The following PCDH15 variants were observed in gnomAD, a reference collection of about 807,000 sequenced individuals.
PCDH15 encodes the protein protocadherin-15.
PCDH15 carries 129 observed loss-of-function variants against 178.5 expected under a neutral mutation model. The observed-to-expected ratio is 0.72, with a 90% confidence interval of 0.63 to 0.84. The LOEUF is 0.84. Among genes scored for constraint, PCDH15 ranks in the 40% least tolerant of loss-of-function variants. The pLI, the probability that PCDH15 is intolerant of heterozygous loss-of-function variation, is 0.00. For synonymous variants in PCDH15, 800 were observed against 732.0 expected (o/e 1.09, Z -1.50); for missense variants, 2,230 against 2,099.9 (o/e 1.06, Z -1.21).
chr10:53,971,241 T>G (rs1315506257), intron 21 of PCDH15, among the ~76,000 whole-genome samples: 1 of 152,176 alleles, frequency 6.6e-6, no homozygotes, highest in Non-Finnish European at 1.5e-5. Flanking sequence ...TCAACAGCCC[T>G]TCCTGCTAAA....
At chr10:55,159,777 T>C (rs944985939) in intron 2 of PCDH15, among the ~76,000 whole-genome samples, 6 of 148,096 alleles carry the variant, frequency 4.1e-5, no homozygotes, top group African/African-American at 1.2e-4. Flanking sequence ...TGTAAGTACA[T>C]ATTAAGAGAT....
At chr10:53,831,620 T>A in intron 29 of PCDH15, 87 bp from the exon 30 acceptor site, 1 of 956,092 alleles carries the variant, frequency 1.0e-6, no homozygotes, top group Non-Finnish European at 1.6e-6. Flanking sequence ...GATCTTTCAA[T>A]ATTTTCTCTA....
chr10:53,814,563 TGAGTA>T (rs1304988815), intron 35 of PCDH15, among the ~76,000 whole-genome samples: 1 of 152,038 alleles, frequency 6.6e-6, no homozygotes, highest in African/African-American at 2.4e-5. Context: ...ATTTCTGAGT[TGAGTA>T]AAGAGGGATA....
intron 2 of PCDH15, among the ~76,000 whole-genome samples, chr10:55,442,866 A>G (rs957909138): frequency 8.5e-5 from 13 of 152,068 alleles, no homozygotes; most frequent in African/African-American, 3.1e-4. Flanking sequence ...TTTAGTGATA[A>G]TTGTGTATCA....
intron 2 of PCDH15, among the ~76,000 whole-genome samples, chr10:55,072,023 G>A (rs906972761): frequency 5.3e-5 from 8 of 152,098 alleles, no homozygotes; most frequent in Admixed American, 3.3e-4. Context: ...AATGAAGGCA[G>A]AAATAAAGAT....
chr10:55,491,200 G>C (rs1281133372), intron 2 of PCDH15, among the ~76,000 whole-genome samples: 1 of 151,678 alleles, frequency 6.6e-6, no homozygotes, highest in Admixed American at 6.6e-5. Context: ...CAAGAAGACA[G>C]AGGCTCCCTT....
At chr10:55,206,052 C>T (rs72803803) in intron 1 of PCDH15, among the ~76,000 whole-genome samples, 24,303 of 151,872 alleles carry the variant, frequency 0.16, 2,637 homozygotes, top group Non-Finnish European at 0.24. Flanking sequence ...GGTTCCTTCC[C>T]ACAACACGTG....
chr10:54,618,640 G>A lies in PCDH15; in HGVS notation c.91+45532C>T, dbSNP rs1161560342. Among the ~76,000 whole-genome samples, 3 of 152,042 alleles carry A rather than the reference G, an allele frequency of 2.0e-5. No individual in the cohort carries two copies. In the East Asian group the frequency reaches 5.8e-4, roughly 29 times the overall value. ...AATAGACATACATATTCTACTAACA[G>A]ATTTGTGTTATCTACTTGAGTGTGT... On this transcript the variant is annotated intron_variant, in intron 2 of 37. Coordinates refer to ENST00000644397, the MANE Select transcript of PCDH15 (RefSeq NM_001384140.1).
chr10:55,185,524 G>A (rs1487681890), intron 1 of PCDH15, among the ~76,000 whole-genome samples: 2 of 151,752 alleles, frequency 1.3e-5, no homozygotes, highest in Admixed American at 6.6e-5. Flanking sequence ...CTAGGAGGAA[G>A]AGAAATATCA....
At chr10:54,736,627 G>T (rs973186737) in intron 1 of PCDH15, among the ~76,000 whole-genome samples, 8 of 152,058 alleles carry the variant, frequency 5.3e-5, no homozygotes, top group African/African-American at 1.9e-4. Flanking sequence ...TGTAGTTTTT[G>T]TATGAGTTTA....
At position 54,184,306 on chromosome 10, in the gene PCDH15, A is replaced by T. The variant is rs939290079; in HGVS notation, c.1441-713T>A. Among the ~76,000 whole-genome samples, 5 of 152,062 alleles carry T rather than the reference A, an allele frequency of 3.3e-5. No individual in the cohort carries two copies. In the South Asian group the frequency reaches 1.0e-3, roughly 31 times the overall value. ...GCTTCTCCAGAAATAATTTCTACAT[A>T]TCTTGTTTAACTTGTGCTTTCTCTT... On this transcript the variant is annotated intron_variant, in intron 12 of 37. Transcript: ENST00000644397.
intron 1 of PCDH15, among the ~76,000 whole-genome samples, chr10:55,187,515 A>C (rs1417657871): frequency 6.6e-6 from 1 of 151,878 alleles, no homozygotes; most frequent in African/African-American, 2.4e-5. Flanking sequence ...GAGGGCCAAT[A>C]CAACTTTAGG....
chr10:55,469,088 T>A (rs1839903814), intron 2 of PCDH15: 1 of 151,828 alleles, frequency 6.6e-6, no homozygotes, highest in Non-Finnish European at 1.5e-5. Context: ...AAACAAAAAA[T>A]CAAGAAACAA....
At chr10:54,066,607 G>A in intron 18 of PCDH15, 150 bp downstream of exon 18, 1 of 631,282 alleles carries the variant, frequency 1.6e-6, no homozygotes, top group Non-Finnish European at 2.6e-6. Flanking sequence ...AAAATATATA[G>A]GATATGATTC....
chr10:54,474,656 A>G (rs1223330019), intron 3 of PCDH15, among the ~76,000 whole-genome samples: 2 of 151,966 alleles, frequency 1.3e-5, no homozygotes, highest in African/African-American at 4.8e-5. Flanking sequence ...AGTATAATCC[A>G]TAGGAATTTT....
At chr10:55,006,876 T>C (rs914864458) in intron 2 of PCDH15, among the ~76,000 whole-genome samples, 7 of 152,146 alleles carry the variant, frequency 4.6e-5, no homozygotes, top group African/African-American at 1.2e-4. Context: ...GTTTACTCAA[T>C]GCCTATACAT....
At chr10:55,183,510 T>C (rs140057176) in intron 1 of PCDH15, among the ~76,000 whole-genome samples, 1 of 151,806 alleles carries the variant, frequency 6.6e-6, no homozygotes, top group African/African-American at 2.4e-5. Context: ...TACAGGAGGA[T>C]TGCTTGAGCC....
At chr10:55,187,559 C>T (rs990616545) in intron 1 of PCDH15, among the ~76,000 whole-genome samples, 2 of 152,066 alleles carry the variant, frequency 1.3e-5, no homozygotes, top group East Asian at 3.9e-4. Context: ...TAGAAGATGA[C>T]ATGAGAGCCA....
At chr10:54,866,813 G>T (rs1953951681) in intron 3 of PCDH15, among the ~76,000 whole-genome samples, 1 of 152,020 alleles carries the variant, frequency 6.6e-6, no homozygotes. Context: ...TAACAACTTG[G>T]CATCTGTAAC....
Sources: gnomAD v4.1 joint callset for allele counts (sites outside exome capture counted in the v4.1 genomes callset) on GRCh38, gnomAD v4.1.1 for gene constraint, MANE v1.5 for transcripts, NCBI Gene and HGNC (gene_info 2026-07-23, HGNC 2026-07-21) for gene names.